The following RBM39 variants were observed in gnomAD, a reference collection of about 807,000 sequenced individuals.
The protein encoded by RBM39 is RNA-binding protein 39.
Under a neutral mutation model 79.6 loss-of-function variants are expected in RBM39, and 12 were observed. The observed-to-expected ratio is 0.15, with a 90% CI of 0.10 to 0.24. The LOEUF (loss-of-function observed/expected upper bound fraction) is 0.24, where lower values mean the gene tolerates loss of function less well. Ranked by LOEUF, RBM39 falls within the 10% of genes least tolerant of loss-of-function variation. RBM39 has a pLI of 1.00. For synonymous variants in RBM39, 185 were observed against 208.4 expected (o/e 0.89, Z 0.97); for missense variants, 243 against 653.4 (o/e 0.37, Z 6.85).
At chr20:35,730,201 G>T (rs1482614281) in intron 4 of RBM39, among the ~76,000 whole-genome samples, 1 of 152,128 alleles carries the variant, frequency 6.6e-6, no homozygotes, top group Non-Finnish European at 1.5e-5. Context: ...ATTTTGTGAG[G>T]ACTTGTCAGG....
rs2035301942 is a variant in RBM39, at chr20:35,701,902, GTTA to G, written c.*2576_*2578del. 7.4e-6 allele frequency: 1 copy of G among 135,716 alleles called. No homozygotes were observed. Among genetic ancestry groups the G allele is most frequent in the Non-Finnish European group, 1.6e-5 (1 of 63,774 alleles). The allele number at this position is 135,716 out of a possible 1,614,324, so 8.4% of individuals were successfully genotyped here. A position where few individuals can be genotyped will look rare whatever the true frequency, so the allele number is the denominator to read the frequency against. ...AAGGCACCACGTCCAGCCCGAGGTT[GTTA>G]TTTAGATATACCTAGTGGCTTTATC... On this transcript the variant is annotated 3_prime_UTR_variant, in exon 17 of 17. Coordinates refer to ENST00000253363, the MANE Select transcript of RBM39 (RefSeq NM_184234.3).
At chr20:35,714,564 C>T (rs749001593) in intron 10 of RBM39, among the ~76,000 whole-genome samples, 175 bp from the exon 11 acceptor site, 14 of 152,224 alleles carry the variant, frequency 9.2e-5, no homozygotes, top group Non-Finnish European at 1.5e-4. Context: ...CGCTAGCTAA[C>T]GCAAATTAGG....
At chr20:35,716,890 C>G in intron 9 of RBM39, 85 bp from the exon 10 acceptor site, 1 of 857,466 alleles carries the variant, frequency 1.2e-6, no homozygotes, top group South Asian at 1.6e-5. Flanking sequence ...TAAAAATCTA[C>G]CAGTCTCCTC....
chr20:35,728,131 T>C (rs939281685), intron 6 of RBM39, among the ~76,000 whole-genome samples: 1 of 152,240 alleles, frequency 6.6e-6, no homozygotes, highest in Non-Finnish European at 1.5e-5. Context: ...GGAAACTTCA[T>C]TGAAGAACCT....
At chr20:35,729,422 TG>T (rs2039123021) in intron 5 of RBM39, 39 bp downstream of exon 5, 1 of 1,607,996 alleles carries the variant, frequency 6.2e-7, no homozygotes, top group Non-Finnish European at 8.5e-7. Flanking sequence ...GTTAGTTCCT[TG>T]AAAAACAATT....
chr20:35,739,233 A>G, intron 2 of RBM39: 1 of 583,940 alleles, frequency 1.7e-6, no homozygotes, highest in East Asian at 3.1e-5. Flanking sequence ...AAAATAAAAA[A>G]ATTTTCCATA....
chr20:35,709,419 AT>A lies in RBM39; in HGVS notation c.1175-146del, dbSNP rs1403128531. 3.6e-5 allele frequency: 23 copies of A among 634,430 alleles called. No individual in the cohort carries two copies. In the East Asian group the frequency reaches 4.3e-4, roughly 12 times the overall value. The allele number at this position is 634,430 out of a possible 1,614,324, so 39.3% of individuals were successfully genotyped here. A position where few individuals can be genotyped will look rare whatever the true frequency, so the allele number is the denominator to read the frequency against. On this transcript the variant is annotated intron_variant, in intron 12 of 16. Coordinates refer to ENST00000253363, the MANE Select transcript of RBM39 (RefSeq NM_184234.3). ...AGCAAAACCTCCTTCCCCATTCCTC[AT>A]TGAGAAGGCTTTGGGGCCTTTTTTC...
chr20:35,712,756 TG>T (rs1230918686), intron 12 of RBM39, among the ~76,000 whole-genome samples: 5 of 152,166 alleles, frequency 3.3e-5, no homozygotes, highest in Non-Finnish European at 5.9e-5. Context: ...TCAATAAAAC[TG>T]ATATATTTGA....
Position 35,704,759 on chromosome 20 carries a change from TGAA to T in RBM39, c.1414-16_1414-14del. ...CATACACATTGCCCTACAGAAAAAA[TGAA>T]AAAAAAGGTAAAGATGTTGCTGTAT... On this transcript the variant is annotated splice_polypyrimidine_tract_variant and intron_variant, in intron 15 of 16. Transcript: ENST00000253363. The T allele has an allele frequency of 6.3e-7, 1 of 1,600,000 alleles. No homozygotes were observed. The highest frequency in any genetic ancestry group is 8.5e-7 in the Non-Finnish European group (1 of 1,175,716).
intron 13 of RBM39, chr20:35,707,980 A>G (rs1276600491): frequency 9.0e-6 from 4 of 446,642 alleles, no homozygotes; most frequent in African/African-American, 6.2e-5. Context: ...CCAAAACATA[A>G]TAACAAACAA....
At chr20:35,712,763 T>C (rs1352722367) in intron 12 of RBM39, among the ~76,000 whole-genome samples, 1 of 152,174 alleles carries the variant, frequency 6.6e-6, no homozygotes, top group African/African-American at 2.4e-5. Flanking sequence ...AACTGATATA[T>C]TTGAAAATAA....
At chr20:35,740,950 A>G (rs1173613102) in intron 1 of RBM39, 63 bp from the exon 2 acceptor site, 3 of 1,225,712 alleles carry the variant, frequency 2.4e-6, no homozygotes, top group Non-Finnish European at 3.5e-6. Flanking sequence ...AACAAGTTTC[A>G]CTCTTGTTGC....
intron 12 of RBM39, among the ~76,000 whole-genome samples, chr20:35,711,581 A>G (rs963313478): frequency 1.3e-5 from 2 of 152,242 alleles, no homozygotes; most frequent in Admixed American, 6.5e-5. Context: ...AAATTTCAAA[A>G]TAAGTCATAC....
At chr20:35,719,441 C>T (rs1360665035) in intron 9 of RBM39, among the ~76,000 whole-genome samples, 2 of 152,130 alleles carry the variant, frequency 1.3e-5, no homozygotes, top group Non-Finnish European at 2.9e-5. Flanking sequence ...GTGGCTCACG[C>T]CTGTAATGAC....
intron 11 of RBM39, chr20:35,713,682 A>C (rs2036749979): frequency 4.7e-5 from 7 of 148,674 alleles, no homozygotes; most frequent in Admixed American, 3.4e-4. Flanking sequence ...AAAAAAAAAA[A>C]AAAAAAAAAA....
intron 8 of RBM39, 105 bp from the exon 9 acceptor site, chr20:35,721,982 T>C (rs563051278): frequency 5.3e-6 from 7 of 1,313,728 alleles, no homozygotes. Context: ...GTGATAAAAA[T>C]ACTACCCTAC....
intron 9 of RBM39, among the ~76,000 whole-genome samples, chr20:35,719,446 A>G (rs2037615426): frequency 6.6e-6 from 1 of 152,166 alleles, no homozygotes; most frequent in South Asian, 2.1e-4. Context: ...TCACGCCTGT[A>G]ATGACAACAC....
At chr20:35,719,416 A>G (rs2146582090) in intron 9 of RBM39, among the ~76,000 whole-genome samples, 1 of 152,090 alleles carries the variant, frequency 6.6e-6, no homozygotes, top group South Asian at 2.1e-4. Context: ...AAAACCTAAA[A>G]TGGGTCTGGG....
intron 10 of RBM39, among the ~76,000 whole-genome samples, chr20:35,715,944 G>A (rs1279721686): frequency 5.3e-5 from 8 of 152,294 alleles, no homozygotes; most frequent in Admixed American, 1.3e-4. Flanking sequence ...AAGGCTTTGC[G>A]AAGCACAAGT....
Sources: allele counts gnomAD v4.1 joint callset (sites outside exome capture counted in the v4.1 genomes callset), GRCh38; gene constraint gnomAD v4.1.1; transcripts MANE v1.5; gene names NCBI Gene and HGNC (gene_info 2026-07-23, HGNC 2026-07-21).